The following DOP1B variants were observed in gnomAD, a reference collection of about 807,000 sequenced individuals.
The protein encoded by DOP1B is protein DOP1B.
In DOP1B, 174 loss-of-function variants were observed where a neutral mutation model predicts 233.5. The observed-to-expected ratio is 0.75, with a 90% CI of 0.66 to 0.85. The LOEUF is 0.85. Ranked by LOEUF, DOP1B falls within the 40% of genes least tolerant of loss-of-function variation. DOP1B has a pLI of 0.00. For missense variants in DOP1B, 2,652 were observed against 2,846.6 expected, an observed-to-expected ratio of 0.93 and a Z score of 1.56; for synonymous variants, 1,190 against 1,185.6, an observed-to-expected ratio of 1.00 and a Z score of -0.08.
intron 2 of DOP1B, chr21:36,168,926 A>G (rs1438796767): frequency 9.3e-6 from 5 of 538,638 alleles, no homozygotes; most frequent in Non-Finnish European, 1.7e-5. Context: ...TTTAAAAAAT[A>G]ACTTTTATTG....
chr21:36,278,217 A>G lies in DOP1B; in HGVS notation c.5831A>G (p.Asn1944Ser), dbSNP rs1313417642. The G allele has an allele frequency of 3.1e-6, 5 of 1,613,848 alleles. No individual in the cohort carries two copies. The highest frequency in any genetic ancestry group is 1.6e-4 in the Middle Eastern group (1 of 6,080). The change falls in exon 30 of 37, where the codon AAT becomes AGT. Residue 1944 changes from asparagine (N) to serine (S), a missense_variant. By Grantham distance (46) the Asn-to-Ser change is conservative. Transcript: ENST00000691173. ...TTCCCACTCCCACTCAGTGCCTACAATGCTCCCAGCTTCCGGGCTGGCGCT... is the reference window on the plus strand; with the variant it reads ...TTCCCACTCCCACTCAGTGCCTACAGTGCTCCCAGCTTCCGGGCTGGCGCT... ...FPYLRNHSAY[N>S]APSFRAGAQL...
chr21:36,184,070 A>G (rs2066134737), intron 2 of DOP1B, among the ~76,000 whole-genome samples: 2 of 150,304 alleles, frequency 1.3e-5, no homozygotes, highest in African/African-American at 4.9e-5. Flanking sequence ...TTTTTTTGAG[A>G]CAGAGTCATA....
chr21:36,179,761 G>T (rs191236685), intron 2 of DOP1B, among the ~76,000 whole-genome samples: 25 of 152,178 alleles, frequency 1.6e-4, no homozygotes, highest in African/African-American at 6.0e-4. Flanking sequence ...AAGGGAGGGG[G>T]TACTGTATAG....
At chr21:36,170,382 G>A (rs1352324543) in intron 2 of DOP1B, 6 of 220,680 alleles carry the variant, frequency 2.7e-5, no homozygotes, top group Non-Finnish European at 5.4e-5. Flanking sequence ...CAGATCATGA[G>A]GTCAAAAGAT....
intron 31 of DOP1B, among the ~76,000 whole-genome samples, chr21:36,280,554 C>G (rs2067403919): frequency 6.6e-6 from 1 of 152,170 alleles, no homozygotes; most frequent in Admixed American, 6.6e-5. Context: ...CCACGACAAC[C>G]TTTTTCATAG....
intron 27 of DOP1B, among the ~76,000 whole-genome samples, chr21:36,276,638 C>A (rs1016766002): frequency 6.6e-6 from 1 of 151,984 alleles, no homozygotes; most frequent in African/African-American, 2.4e-5. Flanking sequence ...GCCAGGAGTT[C>A]GAGACCAGCC....
At chr21:36,228,774 T>A (rs2066723037) in intron 13 of DOP1B, among the ~76,000 whole-genome samples, 1 of 140,462 alleles carries the variant, frequency 7.1e-6, no homozygotes, top group African/African-American at 2.6e-5. Context: ...TCAAAATAAA[T>A]AAATAAAATA....
intron 4 of DOP1B, among the ~76,000 whole-genome samples, chr21:36,206,742 A>C (rs2066429739): frequency 6.6e-6 from 1 of 152,138 alleles, no homozygotes; most frequent in South Asian, 2.1e-4. Context: ...TGTGCATTAT[A>C]GTGTTTGTGA....
intron 2 of DOP1B, among the ~76,000 whole-genome samples, chr21:36,168,779 C>A (rs140101478): frequency 3.9e-5 from 6 of 152,024 alleles, no homozygotes; most frequent in African/African-American, 1.4e-4. Context: ...GTGATCTGCC[C>A]GCCTCAACCT....
intron 21 of DOP1B, among the ~76,000 whole-genome samples, chr21:36,249,874 G>T (rs188546282): frequency 1.3e-5 from 2 of 152,134 alleles, no homozygotes; most frequent in Admixed American, 6.6e-5. Context: ...GGTTCCTAGG[G>T]TGCCAAGGGA....
chr21:36,233,187 C>A, intron 15 of DOP1B, 112 bp downstream of exon 15: 1 of 1,331,458 alleles, frequency 7.5e-7, no homozygotes, highest in Non-Finnish European at 1.0e-6. Context: ...GAGTGATATT[C>A]TATAGGGCAC....
At position 36,177,341 on chromosome 21, in the gene DOP1B, CT is replaced by C. The variant is rs951780633; in HGVS notation, c.138+12473del. Among the ~76,000 whole-genome samples the C allele has an allele frequency of 3.1e-4, 47 of 152,200 alleles. 2 individuals are homozygous for C. Among genetic ancestry groups the C allele is most frequent in the Non-Finnish European group, 7.3e-5 (5 of 68,036 alleles). On this transcript the variant is annotated intron_variant, in intron 2 of 36. Coordinates refer to ENST00000691173, the MANE Select transcript of DOP1B (RefSeq NM_001320714.2). Reference sequence around the variant, plus strand: ...TGGTCTTTTTGAAAAGAGCATTTCTCTTTGCTGAAAAGAGTCTGATATGCTT... The same window carrying C: ...TGGTCTTTTTGAAAAGAGCATTTCTCTTGCTGAAAAGAGTCTGATATGCTT...
At position 36,263,832 on chromosome 21, in the gene DOP1B, G is replaced by T; in HGVS notation, c.5487+18G>T. On this transcript the variant is annotated intron_variant, in intron 26 of 36. Transcript: ENST00000691173. ...ACCTGCAGGTTTGTATATGAAAGAG[G>T]TTCAGCCAAATGATATTACCCCAGC... 1 of 1,613,272 alleles carries T rather than the reference G, an allele frequency of 6.2e-7. No homozygotes were observed. The highest frequency in any genetic ancestry group is 2.2e-5 in the East Asian group (1 of 44,880).
chr21:36,223,438 ATAAGTAGCT>A lies in DOP1B; in HGVS notation c.1370+89_1370+97del, dbSNP rs200997602. The stretch of plus-strand genomic sequence containing the variant: ...AGCTGCTTAGAATATCAGATTATAT[ATAAGTAGCT>A]GAAGCTGAGTAGTCTTTCCTGAGTT... On this transcript the variant is annotated intron_variant, in intron 11 of 36. Coordinates refer to ENST00000691173, the MANE Select transcript of DOP1B (RefSeq NM_001320714.2). 1.1e-3 allele frequency: 1,689 copies of A among 1,502,262 alleles called. 32 individuals carry two copies. In the Admixed American group the frequency reaches 0.039, roughly 35 times the overall value. The allele number at this position is 1,502,262 out of a possible 1,614,324, so 93.1% of individuals were successfully genotyped here. A position where few individuals can be genotyped will look rare whatever the true frequency, so the allele number is the denominator to read the frequency against.
chr21:36,274,123 C>T (rs1402311089), intron 27 of DOP1B, among the ~76,000 whole-genome samples: 2 of 151,974 alleles, frequency 1.3e-5, no homozygotes, highest in South Asian at 2.1e-4. Context: ...TCCCACTTGC[C>T]ACAGGTAGCC....
rs2066532150 is a variant in DOP1B, at chr21:36,214,093, A to G, written c.917A>G (p.Lys306Arg). The change falls in exon 8 of 37, where the codon AAA becomes AGA. Residue 306 changes from lysine to arginine, a missense_variant. Coordinates refer to ENST00000691173, the MANE Select transcript of DOP1B (RefSeq NM_001320714.2). ...TGTTCTTTTGTAGGCTCAGACATAA[A>G]AGGAAATACCGTTGTGCCAGAATCT... ...LYAWLLGSDI[K>R]GNTVVPESEI... 9 of 1,613,460 alleles carry G rather than the reference A, an allele frequency of 5.6e-6. No homozygotes were observed. Among genetic ancestry groups the G allele is most frequent in the Non-Finnish European group, 6.8e-6 (8 of 1,179,828 alleles).
rs566543375 is a variant in DOP1B at position 36,167,960 on chromosome 21, T to C, written c.138+3089T>C. Among the ~76,000 whole-genome samples the C allele has an allele frequency of 2.4e-3, 292 of 122,882 alleles. 4 individuals carry two copies. Among genetic ancestry groups the C allele is most frequent in the African/African-American group, 7.3e-3 (220 of 30,340 alleles). The allele number at this position is 122,882 out of a possible 152,430, so 80.6% of individuals were successfully genotyped here. ...TTTTTCTTTTTTTTTTTTTTTTTTT[T>C]CGAGATGGAATCTCACTCTGTCATC... is the stretch of plus-strand genomic sequence containing the variant. On this transcript the variant is annotated intron_variant, in intron 2 of 36. Coordinates refer to ENST00000691173, the MANE Select transcript of DOP1B (RefSeq NM_001320714.2).
rs775603487 is a variant in DOP1B at position 36,246,209 on chromosome 21, G to T, written c.4229G>T (p.Gly1410Val). The T allele has an allele frequency of 2.1e-5, 34 of 1,613,684 alleles. 1 individual carries two copies. The South Asian group carries it at 2.6e-4, about 13-fold the overall frequency. ...KRYGLATAHH[G>V]RALPEDSLFE... ...TACGGGCTGGCCACCGCCCACCACGGCAGGGCCCTGCCAGAGGACAGCCTC... is the reference window on the plus strand; with the variant it reads ...TACGGGCTGGCCACCGCCCACCACGTCAGGGCCCTGCCAGAGGACAGCCTC... Residue 1410 changes from glycine (G) to valine (V), a missense_variant, in exon 19 of 37, where the codon GGC (glycine) becomes GTC (valine). Physicochemically the swap from Gly to Val is moderately radical, Grantham distance 109. Coordinates refer to ENST00000691173, the MANE Select transcript of DOP1B (RefSeq NM_001320714.2). The surrounding 1 kb of genome is among the most constrained non-coding windows in gnomAD (Gnocchi z 5.1).
At position 36,281,468 on chromosome 21, in the gene DOP1B, C is replaced by A; in HGVS notation, c.6032-15C>A. ...GGTTTTCTCACTAAGTAAAACATTG[C>A]TGTATTTATTCTAGACATGCAGAGC... On this transcript the variant is annotated splice_polypyrimidine_tract_variant and intron_variant, in intron 31 of 36. Transcript: ENST00000691173. 6.3e-7 allele frequency: 1 copy of A among 1,576,398 alleles called. No individual in the cohort carries two copies. Among genetic ancestry groups the A allele is most frequent in the Non-Finnish European group, 8.7e-7 (1 of 1,151,788 alleles).
Sources: gnomAD v4.1 joint callset for allele counts (sites outside exome capture counted in the v4.1 genomes callset) on GRCh38, gnomAD v4.1.1 for gene constraint, Gnocchi (gnomAD v3.1) non-coding constraint, MANE v1.5 for transcripts, NCBI Gene and HGNC (gene_info 2026-07-23, HGNC 2026-07-21) for gene names.